Variants in IAH1 observed in about 807,000 individuals in gnomAD.
IAH1 encodes isoamyl acetate hydrolyzing esterase 1 (putative), also known as isoamyl acetate-hydrolyzing esterase 1 homolog.
In IAH1, 24 loss-of-function variants were observed where a neutral mutation model predicts 26.7. The observed-to-expected ratio is 0.90, with a 90% CI of 0.65 to 1.26. The LOEUF (loss-of-function observed/expected upper bound fraction) is 1.26. IAH1 is among the 50% of genes most tolerant of loss of function. The pLI is 0.00. For synonymous variants in IAH1, 140 were observed against 118.5 expected, an observed-to-expected ratio of 1.18 and a Z score of -1.18; for missense variants, 300 against 299.9, an observed-to-expected ratio of 1.00 and a Z score of 0.00.
intron 5 of IAH1, 114 bp from the exon 6 acceptor site, chr2:9,488,033 G>A (rs1275549364): frequency 5.8e-6 from 4 of 689,214 alleles, no homozygotes; most frequent in Admixed American, 3.2e-5. Flanking sequence ...TGTAGAGACA[G>A]GGTCTCAAAC....
At position 9,484,525 on chromosome 2, in the gene IAH1, T is replaced by C. The variant is rs1334659899; in HGVS notation, c.539T>C (p.Leu180Pro). The part of the protein sequence containing the change: ...AQDCGTDVLD[L>P]WTLMQDSQDF... The stretch of plus-strand genomic sequence containing the variant: ...GACTGTGGGACTGACGTACTTGACC[T>C]GTGGACCCTGATGCAGGACAGCCAG... The change falls in exon 5 of 6, where the codon CTG (leucine) becomes CCG (proline). Residue 180 changes from leucine to proline, a missense_variant. Leu to Pro is a moderately conservative substitution (Grantham distance 98). Coordinates refer to ENST00000497473, the MANE Select transcript of IAH1 (RefSeq NM_001039613.3). 1.9e-6 allele frequency: 3 copies of C among 1,613,804 alleles called. No individual in the cohort carries two copies. Among genetic ancestry groups the C allele is most frequent in the East Asian group, 4.5e-5 (2 of 44,892 alleles).
the IAH1 span, chr2:9,502,057 C>T: frequency 1.4e-5 from 13 of 914,254 alleles, no homozygotes; most frequent in African/African-American, 1.3e-4. Flanking sequence ...AAACTCAACC[C>T]GGCATATGAG....
chr2:9,510,848 C>G, the IAH1 span, among the ~76,000 whole-genome samples: 8 of 151,992 alleles, frequency 5.3e-5, no homozygotes, highest in East Asian at 1.5e-3. Context: ...GAGTAATAAC[C>G]GGACTATGAT....
At position 9,488,080 on chromosome 2, in the gene IAH1, G is replaced by A. The variant is rs754741446; in HGVS notation, c.565-67G>A. ...AGTAATCCTCGGCCCCAAAGTGTTG[G>A]AATGACAGGGGTGAGCTACCACACG... On this transcript the variant is annotated intron_variant, in intron 5 of 5. Transcript: ENST00000497473. 6.1e-5 allele frequency: 66 copies of A among 1,084,668 alleles called. 1 individual carries two copies. In the Middle Eastern group the frequency reaches 4.1e-3, roughly 68 times the overall value. The allele number at this position is 1,084,668 out of a possible 1,614,324, so 67.2% of individuals were successfully genotyped here.
chr2:9,505,382 C>T, the IAH1 span: 1 of 1,593,720 alleles, frequency 6.3e-7, no homozygotes, highest in Non-Finnish European at 8.6e-7. Flanking sequence ...AGAAAAAAGG[C>T]AATAAGGACC....
At chr2:9,490,453 G>C (rs148093044), downstream of IAH1, 681 of 1,614,106 alleles carry the variant, frequency 4.2e-4, 1 homozygote, top group Non-Finnish European at 1.8e-4. Flanking sequence ...CTGGAGTCTG[G>C]GGCGCAGGAA....
intron 2 of IAH1, 74 bp downstream of exon 2, chr2:9,476,113 T>C: frequency 7.8e-7 from 1 of 1,288,172 alleles, no homozygotes; most frequent in Non-Finnish European, 1.1e-6. Context: ...GGATGAAGGA[T>C]AGTTCTGAAC....
chr2:9,474,512 C>T (rs1041881128), upstream of IAH1: 307 of 1,175,494 alleles, frequency 2.6e-4, no homozygotes, highest in Non-Finnish European at 3.1e-4. This position sits in a 1 kb window ranked among gnomAD's most constrained non-coding sequence, Gnocchi z 4.3. Flanking sequence ...CGGGCGGCCA[C>T]TGCGCAGGCG....
Position 9,474,698 on chromosome 2 carries a change from G to T in IAH1, c.81+51G>T, listed in dbSNP as rs1362707684. ...CCCGCCCCGGCCTCCCTGCGGGGTC[G>T]CTGCCGAGCAGGCCGAGGCTCCTCG... On this transcript the variant is annotated intron_variant, in intron 1 of 5. Transcript: ENST00000497473. This position sits in a 1 kb window ranked among gnomAD's most constrained non-coding sequence, Gnocchi z 4.3. 1.4e-6 allele frequency: 2 copies of T among 1,389,966 alleles called. No homozygotes were observed. Among genetic ancestry groups the T allele is most frequent in the South Asian group, 2.5e-5 (2 of 78,760 alleles). The allele number at this position is 1,389,966 out of a possible 1,614,324, so 86.1% of individuals were successfully genotyped here. A position where few individuals can be genotyped will look rare whatever the true frequency, so the allele number is the denominator to read the frequency against.
chr2:9,475,038 C>T, intron 1 of IAH1: 3 of 1,139,576 alleles, frequency 2.6e-6, no homozygotes, highest in Non-Finnish European at 3.3e-6. Context: ...CAGGAGGCCC[C>T]GCGGCCAGCT....
intron 4 of IAH1, among the ~76,000 whole-genome samples, chr2:9,482,838 G>A (rs1335094659): frequency 6.6e-6 from 1 of 152,252 alleles, no homozygotes; most frequent in Non-Finnish European, 1.5e-5. Context: ...CGTGGTGACA[G>A]TAGGTTCTGG....
downstream of IAH1, among the ~76,000 whole-genome samples, chr2:9,492,418 A>G (rs2124957886): frequency 6.6e-6 from 1 of 152,348 alleles, no homozygotes; most frequent in South Asian, 2.1e-4. Context: ...TTTGGGGAAG[A>G]TGTAAATACT....
chr2:9,502,106 T>C, the IAH1 span: 1 of 1,375,296 alleles, frequency 7.3e-7, no homozygotes, highest in Non-Finnish European at 1.0e-6. Context: ...CAAAACATAA[T>C]CTTGTTTTTC....
chr2:9,512,170 A>T, the IAH1 span: 1 of 152,178 alleles, frequency 6.6e-6, no homozygotes, highest in Non-Finnish European at 1.5e-5. Context: ...AATTTTTAGC[A>T]AAAGCACTCA....
At chr2:9,476,139 TATTA>T in intron 2 of IAH1, 100 bp downstream of exon 2, 1 of 1,086,748 alleles carries the variant, frequency 9.2e-7, no homozygotes, top group Non-Finnish European at 1.4e-6. Flanking sequence ...ATTCCTCCTT[TATTA>T]ATTTTGCTTG....
At chr2:9,498,702 C>T (rs746273727), downstream of IAH1, among the ~76,000 whole-genome samples, 2 of 152,206 alleles carry the variant, frequency 1.3e-5, no homozygotes, top group Non-Finnish European at 2.9e-5. Flanking sequence ...ATCATGTCAA[C>T]AGTCATTTAA....
intron 2 of IAH1, among the ~76,000 whole-genome samples, chr2:9,476,493 C>T (rs551069781): frequency 1.3e-4 from 20 of 152,328 alleles, no homozygotes; most frequent in Admixed American, 3.9e-4. Flanking sequence ...TTGTTAGGCG[C>T]GTCCACGTGA....
the IAH1 span, among the ~76,000 whole-genome samples, chr2:9,508,614 A>G: frequency 8.0e-3 from 1,217 of 152,294 alleles, 12 homozygotes; most frequent in African/African-American, 0.028. Context: ...ACAGGCAAAC[A>G]TTATTAAAAA....
At chr2:9,504,679 T>C in the IAH1 span, among the ~76,000 whole-genome samples, 4 of 149,982 alleles carry the variant, frequency 2.7e-5, no homozygotes, top group African/African-American at 9.9e-5. Flanking sequence ...GGGGAATCAC[T>C]TGAACCCGGG....
Sources: gnomAD v4.1 joint callset for allele counts (sites outside exome capture counted in the v4.1 genomes callset) on GRCh38, gnomAD v4.1.1 for gene constraint, Gnocchi (gnomAD v3.1) non-coding constraint, MANE v1.5 for transcripts, NCBI Gene and HGNC (gene_info 2026-07-23, HGNC 2026-07-21) for gene names.